NAALADL2: variants seen among roughly 807,000 people sequenced by gnomAD.
NAALADL2 encodes inactive N-acetylated-alpha-linked acidic dipeptidase-like protein 2.
Under a neutral mutation model 87.2 loss-of-function variants are expected in NAALADL2, and 76 were observed. The ratio of observed to expected loss-of-function variants is 0.87; its 90% confidence interval spans 0.72 to 1.05. The LOEUF (loss-of-function observed/expected upper bound fraction) is 1.05, where lower values mean the gene tolerates loss of function less well. Among genes scored for constraint, NAALADL2 ranks in the 50% least tolerant of loss-of-function variants. NAALADL2 has a pLI of 0.00. For synonymous variants in NAALADL2, 354 were observed against 331.0 expected, an observed-to-expected ratio of 1.07 and a Z score of -0.75; for missense variants, 1,089 against 945.8, an observed-to-expected ratio of 1.15 and a Z score of -1.99.
chr3:174,516,841 G>A (rs537099342), intron 1 of NAALADL2, among the ~76,000 whole-genome samples: 193 of 151,578 alleles, frequency 1.3e-3, no homozygotes, highest in African/African-American at 4.5e-3. Context: ...AATCACACAA[G>A]TCATTTCTGT....
chr3:174,738,386 C>T (rs1479603009), intron 3 of NAALADL2, among the ~76,000 whole-genome samples: 1 of 152,176 alleles, frequency 6.6e-6, no homozygotes, highest in Non-Finnish European at 1.5e-5. Flanking sequence ...ATAGACAAAT[C>T]TTTTAACTCT....
intron 4 of NAALADL2, among the ~76,000 whole-genome samples, chr3:175,279,596 T>G (rs1754010380): frequency 6.6e-6 from 1 of 152,086 alleles, no homozygotes; most frequent in Admixed American, 6.6e-5. Context: ...AACCACATAC[T>G]TTAATTCCTA....
chr3:174,765,254 T>C (rs1478015292), intron 3 of NAALADL2, among the ~76,000 whole-genome samples: 1 of 151,986 alleles, frequency 6.6e-6, no homozygotes, highest in East Asian at 1.9e-4. Flanking sequence ...CTGCACCAAA[T>C]TGGGAAGGTT....
chr3:175,614,526 T>C (rs1725082914), intron 10 of NAALADL2, among the ~76,000 whole-genome samples: 1 of 152,232 alleles, frequency 6.6e-6, no homozygotes, highest in Admixed American at 6.5e-5. Flanking sequence ...AGCATATATA[T>C]TGAAAACTCT....
intron 3 of NAALADL2, among the ~76,000 whole-genome samples, chr3:174,753,256 A>G (rs914192723): frequency 1.3e-4 from 20 of 152,000 alleles, no homozygotes; most frequent in African/African-American, 4.8e-4. Context: ...TTGTATTTTT[A>G]TTAGAGTTGG....
chr3:175,298,084 A>G (rs1347224721), intron 4 of NAALADL2, among the ~76,000 whole-genome samples: 2 of 152,122 alleles, frequency 1.3e-5, no homozygotes, highest in Non-Finnish European at 2.9e-5. Flanking sequence ...ATGCATTTTC[A>G]TTTTATAACT....
At chr3:175,102,787 G>A (rs1405383406) in intron 2 of NAALADL2, among the ~76,000 whole-genome samples, 1 of 152,110 alleles carries the variant, frequency 6.6e-6, no homozygotes, top group African/African-American at 2.4e-5. Flanking sequence ...TTTCTTAGCT[G>A]AGGGTTAACT....
intron 1 of NAALADL2, among the ~76,000 whole-genome samples, chr3:174,947,717 G>GAT (rs1025048697): frequency 6.6e-6 from 1 of 151,432 alleles, no homozygotes; most frequent in South Asian, 2.1e-4. Flanking sequence ...CATGAATAGT[G>GAT]ATATATATAC....
chr3:174,457,398 G>A (rs760264859), intron 1 of NAALADL2, among the ~76,000 whole-genome samples: 14 of 152,278 alleles, frequency 9.2e-5, no homozygotes, highest in South Asian at 2.1e-4. Flanking sequence ...AAAGACACAT[G>A]CATGTGTCAA....
chr3:175,647,406 TGA>T (rs1407319603), intron 11 of NAALADL2, among the ~76,000 whole-genome samples: 1 of 152,158 alleles, frequency 6.6e-6, no homozygotes, highest in Admixed American at 6.5e-5. Context: ...AGTTGCTAGT[TGA>T]GAGTTTTCCT....
intron 11 of NAALADL2, among the ~76,000 whole-genome samples, chr3:175,642,420 A>G (rs1430264049): frequency 6.6e-6 from 1 of 152,192 alleles, no homozygotes; most frequent in African/African-American, 2.4e-5. Context: ...GAAGACTGTA[A>G]AAGTCTCACA....
chr3:174,766,798 C>T (rs913004165), intron 3 of NAALADL2, among the ~76,000 whole-genome samples: 3 of 152,166 alleles, frequency 2.0e-5, no homozygotes, highest in Non-Finnish European at 2.9e-5. Flanking sequence ...GGGAACATAA[C>T]CAGCAAAATT....
intron 4 of NAALADL2, among the ~76,000 whole-genome samples, chr3:175,261,843 ATTG>A (rs1436476562): frequency 2.6e-5 from 4 of 152,104 alleles, no homozygotes; most frequent in Admixed American, 2.6e-4. Flanking sequence ...ACATCTACAT[ATTG>A]TTGTCCCTTA....
chr3:175,252,842 C>T (rs112518802), intron 3 of NAALADL2, among the ~76,000 whole-genome samples: 3 of 152,266 alleles, frequency 2.0e-5, no homozygotes, highest in Admixed American at 6.5e-5. Context: ...CAAACCACAA[C>T]ATTTTATTTA....
chr3:174,815,839 T>A (rs1041842083), intron 3 of NAALADL2, among the ~76,000 whole-genome samples: 20 of 148,906 alleles, frequency 1.3e-4, no homozygotes, highest in African/African-American at 3.7e-4. Flanking sequence ...AGTTTTTTTT[T>A]TTTTTTTTTT....
intron 2 of NAALADL2, among the ~76,000 whole-genome samples, chr3:175,213,563 T>A (rs1742075254): frequency 6.6e-6 from 1 of 152,084 alleles, no homozygotes; most frequent in African/African-American, 2.4e-5. Flanking sequence ...GCTCTTGACC[T>A]GGGAAAGAAC....
rs117229930 is a variant in NAALADL2, at chr3:175,564,172, G to C, written c.1654-11869G>C. 8.7e-4 allele frequency among the ~76,000 whole-genome samples: 132 copies of C among 151,844 alleles called. 4 individuals are homozygous for C. In the East Asian group the frequency reaches 0.02, roughly 23 times the overall value. On this transcript the variant is annotated intron_variant, in intron 9 of 13. Transcript: ENST00000454872. ...TCCCTGTGCCCTCCTAAAATTAAACGAATTACCTCTAAAAAACCTGAGAGC... is the reference window on the plus strand; with the variant it reads ...TCCCTGTGCCCTCCTAAAATTAAACCAATTACCTCTAAAAAACCTGAGAGC...
At chr3:175,578,224 G>C (rs1671920105) in intron 10 of NAALADL2, among the ~76,000 whole-genome samples, 1 of 152,064 alleles carries the variant, frequency 6.6e-6, no homozygotes, top group African/African-American at 2.4e-5. Context: ...CCAGGAGTTT[G>C]ATACCTGGGC....
chr3:175,551,484 C>G (rs191638241), intron 9 of NAALADL2, among the ~76,000 whole-genome samples: 3 of 152,254 alleles, frequency 2.0e-5, no homozygotes, highest in Admixed American at 2.0e-4. Flanking sequence ...ACAGTTCATA[C>G]ATAGTTGTTA....
Sources: gnomAD v4.1 joint callset for allele counts (sites outside exome capture counted in the v4.1 genomes callset) on GRCh38, gnomAD v4.1.1 for gene constraint, MANE v1.5 for transcripts, NCBI Gene and HGNC (gene_info 2026-07-23, HGNC 2026-07-21) for gene names.